The following ZNF292 variants were observed in gnomAD, a reference collection of about 807,000 sequenced individuals.
ZNF292 encodes 16 zinc-finger domain protein.
In ZNF292, 26 loss-of-function variants were observed where a neutral mutation model predicts 217.9. The observed-to-expected ratio is 0.12, with a 90% confidence interval of 0.09 to 0.17. The LOEUF (loss-of-function observed/expected upper bound fraction) is 0.17. Ranked by LOEUF, ZNF292 falls within the 10% of genes least tolerant of loss-of-function variation. The pLI is 1.00. For synonymous variants in ZNF292, 1,257 were observed against 1,124.1 expected (o/e 1.12, Z -2.37); for missense variants, 2,904 against 3,175.2 (o/e 0.91, Z 2.05).
At chr6:87,160,636 G>A (rs1770710340) in intron 1 of ZNF292, among the ~76,000 whole-genome samples, 1 of 149,528 alleles carries the variant, frequency 6.7e-6, no homozygotes, top group Non-Finnish European at 1.5e-5. Flanking sequence ...ATACATACAT[G>A]TATACGGTGT....
chr6:87,260,500 C>T lies in ZNF292; in HGVS notation c.6871C>T (p.Arg2291Cys). The change falls in exon 8 of 8, where the codon CGT (arginine) becomes TGT (cysteine). Residue 2291 changes from arginine to cysteine, a missense_variant. By Grantham distance (180) the Arg-to-Cys change is radical. Coordinates refer to ENST00000369577, the MANE Select transcript of ZNF292 (RefSeq NM_015021.3). ...HNDKHKAHLI[R>C]PRRLTPGQEN... ...TGACAAACATAAGGCTCATTTGATT[C>T]GTCCAAGAAGATTAACACCAGGCCA... The T allele has an allele frequency of 3.7e-6, 6 of 1,613,350 alleles. No individual in the cohort carries two copies. The highest frequency in any genetic ancestry group is 1.1e-5 in the South Asian group (1 of 91,048).
At chr6:87,204,278 G>T (rs76533172) in intron 1 of ZNF292, among the ~76,000 whole-genome samples, 1 of 152,074 alleles carries the variant, frequency 6.6e-6, no homozygotes, top group Non-Finnish European at 1.5e-5. Context: ...TTTGGCATAC[G>T]TGAATAATGT....
rs867024016 is a variant in ZNF292 at position 87,256,454 on chromosome 6, C to G, written c.2825C>G (p.Ser942Cys). 2.5e-6 allele frequency: 4 copies of G among 1,608,064 alleles called. No individual in the cohort carries two copies. Among genetic ancestry groups the G allele is most frequent in the Non-Finnish European group, 3.4e-6 (4 of 1,179,802 alleles). Residue 942 changes from serine (S) to cysteine (C), a missense_variant, in exon 8 of 8, where the codon TCT becomes TGT. Around this residue, in one of 15 missense-constraint regions of ZNF292, gnomAD observed 687 missense variants for 623.0 expected, o/e 1.10. Transcript: ENST00000369577. ...GAAGTAGCTGTGTCCATTAAGGTGT[C>G]TCTCAATCAGGGGATTGAGGATAAC... is the stretch of plus-strand genomic sequence containing the variant. ...SSEVAVSIKV[S>C]LNQGIEDNFG...
At chr6:87,240,548 A>G (rs1204903257) in intron 5 of ZNF292, among the ~76,000 whole-genome samples, 9 of 152,008 alleles carry the variant, frequency 5.9e-5, no homozygotes, top group Non-Finnish European at 1.2e-4. Context: ...TCAGCTTCCA[A>G]GTAGCTGGGA....
chr6:87,257,691 G>T lies in ZNF292; in HGVS notation c.4062G>T (p.Lys1354Asn). The T allele has an allele frequency of 6.2e-7, 1 of 1,612,588 alleles. No individual in the cohort carries two copies. Among genetic ancestry groups the T allele is most frequent in the Non-Finnish European group, 8.5e-7 (1 of 1,179,224 alleles). Residue 1354 changes from lysine to asparagine, a missense_variant, in exon 8 of 8, where the codon AAG becomes AAT. Transcript: ENST00000369577. ...KKDRGRGPNG[K>N]ERKPKHNKRA... ...ACCGTGGGCGGGGCCCAAATGGGAA[G>T]GAAAGAAAACCTAAGCACAACAAAA... is the stretch of plus-strand genomic sequence containing the variant.
chr6:87,238,687 A>AT (rs1056830434), intron 5 of ZNF292, among the ~76,000 whole-genome samples: 10 of 131,140 alleles, frequency 7.6e-5, no homozygotes, highest in African/African-American at 3.0e-4. Context: ...TTTGATTTAT[A>AT]TATTTTTTTT....
At chr6:87,208,441 CATA>C (rs1772337969) in intron 1 of ZNF292, among the ~76,000 whole-genome samples, 1 of 151,952 alleles carries the variant, frequency 6.6e-6, no homozygotes, top group East Asian at 1.9e-4. Flanking sequence ...TTCTCCTATC[CATA>C]ATTTTTATTA....
intron 4 of ZNF292, among the ~76,000 whole-genome samples, chr6:87,222,062 A>G (rs180687789): frequency 1.4e-4 from 22 of 152,206 alleles, no homozygotes; most frequent in Non-Finnish European, 2.6e-4. Context: ...GTACAAGTGT[A>G]TTACCTTTTT....
At chr6:87,209,890 C>G (rs1196909869) in intron 1 of ZNF292, among the ~76,000 whole-genome samples, 1 of 152,030 alleles carries the variant, frequency 6.6e-6, no homozygotes, top group Non-Finnish European at 1.5e-5. Context: ...GTCATGAGAT[C>G]AAAATGTTTG....
intron 1 of ZNF292, among the ~76,000 whole-genome samples, chr6:87,197,438 T>A (rs76423950): frequency 1.3e-4 from 17 of 128,112 alleles, no homozygotes; most frequent in African/African-American, 2.5e-4. Flanking sequence ...TTTTTTTTTT[T>A]AAAGCATTAA....
chr6:87,202,105 A>G (rs921299179), intron 1 of ZNF292, among the ~76,000 whole-genome samples: 1 of 152,206 alleles, frequency 6.6e-6, no homozygotes, highest in Non-Finnish European at 1.5e-5. Context: ...AAATAATCCT[A>G]TGGAGAATTT....
At chr6:87,183,120 A>G (rs1360551934) in intron 1 of ZNF292, among the ~76,000 whole-genome samples, 1 of 152,194 alleles carries the variant, frequency 6.6e-6, no homozygotes, top group East Asian at 1.9e-4. Flanking sequence ...AATGCTTGCA[A>G]TAAAGTTACA....
intron 5 of ZNF292, among the ~76,000 whole-genome samples, chr6:87,233,844 G>T (rs1466949824): frequency 6.6e-6 from 1 of 152,098 alleles, no homozygotes; most frequent in Non-Finnish European, 1.5e-5. Flanking sequence ...CTTCAATCTT[G>T]TCTGACTTCA....
chr6:87,239,912 T>C (rs374496082), intron 5 of ZNF292, among the ~76,000 whole-genome samples: 4 of 141,166 alleles, frequency 2.8e-5, no homozygotes, highest in African/African-American at 8.0e-5. Context: ...AGACGATGGG[T>C]GGCCAGGCAG....
chr6:87,235,473 T>C (rs558251725), intron 5 of ZNF292, among the ~76,000 whole-genome samples: 1 of 152,186 alleles, frequency 6.6e-6, no homozygotes, highest in South Asian at 2.1e-4. Flanking sequence ...TAAAGAAGCG[T>C]ATCTCCTGTT....
chr6:87,243,213 T>C (rs1774393324), intron 5 of ZNF292, among the ~76,000 whole-genome samples: 1 of 151,998 alleles, frequency 6.6e-6, no homozygotes, highest in African/African-American at 2.4e-5. Flanking sequence ...TCTTAAATAG[T>C]TGGTTCTCCG....
chr6:87,160,917 T>C (rs1770726394), intron 1 of ZNF292, among the ~76,000 whole-genome samples: 1 of 152,170 alleles, frequency 6.6e-6, no homozygotes, highest in African/African-American at 2.4e-5. Flanking sequence ...GTAATTCCTC[T>C]AAGTACCCTT....
chr6:87,165,010 G>A (rs971930637), intron 1 of ZNF292, among the ~76,000 whole-genome samples: 9 of 150,672 alleles, frequency 6.0e-5, no homozygotes, highest in Non-Finnish European at 1.2e-4. Flanking sequence ...TGATCCGCCC[G>A]CCTCAGCCTC....
intron 7 of ZNF292, among the ~76,000 whole-genome samples, chr6:87,246,581 T>C (rs1306252981): frequency 6.6e-6 from 1 of 152,214 alleles, no homozygotes; most frequent in Non-Finnish European, 1.5e-5. Flanking sequence ...TATAAGATCC[T>C]GGGCCAGGCC....
Sources: gnomAD v4.1 joint callset for allele counts (sites outside exome capture counted in the v4.1 genomes callset) on GRCh38, gnomAD v4.1.1 for gene constraint, gnomAD v4.1.1 regional missense constraint, MANE v1.5 for transcripts, NCBI Gene and HGNC (gene_info 2026-07-23, HGNC 2026-07-21) for gene names.